HEMK2: variants seen among roughly 807,000 people sequenced by gnomAD.
HEMK2 encodes the protein HemK methyltransferase 2, ETF1 glutamine and histone H4 lysine, also known as methyltransferase HEMK2.
chr21:28,631,225 C>G, the HEMK2 span, among the ~76,000 whole-genome samples: 1 of 152,104 alleles, frequency 6.6e-6, no homozygotes, highest in Admixed American at 6.6e-5. Context: ...AAACATCATA[C>G]TAGGAAAGGA....
At chr21:28,668,682 T>C in the HEMK2 span, among the ~76,000 whole-genome samples, 32 of 152,142 alleles carry the variant, frequency 2.1e-4, no homozygotes, top group Non-Finnish European at 3.4e-4. Context: ...ATACAATCAA[T>C]CACACTTGCC....
chr21:28,838,799 C>T, the HEMK2 span, among the ~76,000 whole-genome samples: 1 of 149,428 alleles, frequency 6.7e-6, no homozygotes, highest in Non-Finnish European at 1.5e-5. Flanking sequence ...ATTAGCTGAG[C>T]GTGTTGGCGC....
the HEMK2 span, among the ~76,000 whole-genome samples, chr21:28,617,164 C>T: frequency 3.7e-3 from 562 of 152,302 alleles, 3 homozygotes; most frequent in African/African-American, 0.013. Flanking sequence ...AATAGCCTTG[C>T]TGAGGAAGGT....
At chr21:28,611,741 C>G in the HEMK2 span, among the ~76,000 whole-genome samples, 2 of 151,886 alleles carry the variant, frequency 1.3e-5, no homozygotes, top group African/African-American at 4.8e-5. Context: ...AACCTCATCT[C>G]TGCTAAAAAT....
chr21:28,757,280 T>C, the HEMK2 span, among the ~76,000 whole-genome samples: 12 of 152,174 alleles, frequency 7.9e-5, no homozygotes, highest in African/African-American at 4.8e-5. Context: ...ATAAAACCAA[T>C]TGGCACATTT....
At chr21:28,591,236 T>C in the HEMK2 span, among the ~76,000 whole-genome samples, 44 of 152,318 alleles carry the variant, frequency 2.9e-4, no homozygotes, top group African/African-American at 1.0e-3. Flanking sequence ...AACACTTTCT[T>C]GAGCAGCAGG....
the HEMK2 span, among the ~76,000 whole-genome samples, chr21:28,681,598 T>C: frequency 6.6e-6 from 1 of 152,124 alleles, no homozygotes; most frequent in Non-Finnish European, 1.5e-5. Flanking sequence ...GCTAAGTCAA[T>C]CCTAAGCCAA....
the HEMK2 span, among the ~76,000 whole-genome samples, chr21:28,864,614 C>T: frequency 2.0e-5 from 3 of 152,282 alleles, no homozygotes; most frequent in South Asian, 2.1e-4. Context: ...CATTTGGACA[C>T]GTCCACTTAA....
chr21:28,621,974 T>C, the HEMK2 span, among the ~76,000 whole-genome samples: 2 of 152,180 alleles, frequency 1.3e-5, no homozygotes, highest in African/African-American at 4.8e-5. Flanking sequence ...TTAAAGTCTG[T>C]TTTATCAGAA....
At chr21:28,639,549 G>A in the HEMK2 span, among the ~76,000 whole-genome samples, 2 of 152,154 alleles carry the variant, frequency 1.3e-5, no homozygotes, top group Non-Finnish European at 2.9e-5. Flanking sequence ...AACACAGAAG[G>A]AAATTCCAGA....
the HEMK2 span, among the ~76,000 whole-genome samples, chr21:28,773,987 G>C: frequency 6.6e-6 from 1 of 152,080 alleles, no homozygotes; most frequent in African/African-American, 2.4e-5. Flanking sequence ...TAGATCCCAA[G>C]TTTTCCTTAT....
the HEMK2 span, among the ~76,000 whole-genome samples, chr21:28,733,819 C>A: frequency 7.5e-6 from 1 of 133,756 alleles, no homozygotes; most frequent in African/African-American, 3.1e-5. Flanking sequence ...TGTTGGTGTG[C>A]TGCACCCATT....
At chr21:28,699,708 T>C in the HEMK2 span, among the ~76,000 whole-genome samples, 2 of 152,186 alleles carry the variant, frequency 1.3e-5, no homozygotes, top group African/African-American at 4.8e-5. Context: ...TATAAAAGTT[T>C]TTCATTAAAT....
At chr21:28,862,926 T>C in the HEMK2 span, among the ~76,000 whole-genome samples, 2 of 152,204 alleles carry the variant, frequency 1.3e-5, no homozygotes, top group African/African-American at 2.4e-5. Flanking sequence ...AGTTGAATTA[T>C]GTTACGTGTC....
chr21:28,821,080 A>G, the HEMK2 span, among the ~76,000 whole-genome samples: 9 of 152,234 alleles, frequency 5.9e-5, no homozygotes, highest in African/African-American at 1.9e-4. Context: ...GTAAAGCATA[A>G]ACAATAAATG....
chr21:28,614,897 T>G, the HEMK2 span, among the ~76,000 whole-genome samples: 1 of 152,204 alleles, frequency 6.6e-6, no homozygotes, highest in Non-Finnish European at 1.5e-5. Flanking sequence ...TTTTTCAATC[T>G]TGTAAGCATT....
the HEMK2 span, among the ~76,000 whole-genome samples, chr21:28,722,261 G>A: frequency 6.6e-6 from 1 of 151,962 alleles, no homozygotes; most frequent in Non-Finnish European, 1.5e-5. Flanking sequence ...GGGGGATTTG[G>A]GGATAAATAT....
At chr21:28,765,386 A>G in the HEMK2 span, among the ~76,000 whole-genome samples, 1 of 152,146 alleles carries the variant, frequency 6.6e-6, no homozygotes, top group South Asian at 2.1e-4. Flanking sequence ...GTGTTGGTTT[A>G]AACTGCTAAA....
the HEMK2 span, among the ~76,000 whole-genome samples, chr21:28,647,281 C>T: frequency 1.6e-5 from 2 of 125,864 alleles, no homozygotes; most frequent in South Asian, 2.5e-4. Context: ...GTCAAGAGAT[C>T]GAGACTATCC....
Sources: allele counts gnomAD v4.1 joint callset (sites outside exome capture counted in the v4.1 genomes callset), GRCh38; gene constraint gnomAD v4.1.1; transcripts MANE v1.5; gene names NCBI Gene and HGNC (gene_info 2026-07-23, HGNC 2026-07-21).